SYT1: variants seen among roughly 807,000 people sequenced by gnomAD.
SYT1 encodes the protein synaptotagmin-1.
Under a neutral mutation model 44.8 loss-of-function variants are expected in SYT1, and 8 were observed. The ratio of observed to expected loss-of-function variants is 0.18; its 90% CI spans 0.10 to 0.32. The LOEUF is 0.32. SYT1 is among the 10% of genes least tolerant of loss of function. SYT1 has a pLI of 1.00. For missense variants in SYT1, 286 were observed against 509.3 expected, an observed-to-expected ratio of 0.56 and a Z score of 4.22; for synonymous variants, 154 against 188.8, an observed-to-expected ratio of 0.82 and a Z score of 1.51.
intron 9 of SYT1, among the ~76,000 whole-genome samples, chr12:79,376,978 T>C (rs191364666): frequency 1.8e-3 from 281 of 152,354 alleles, no homozygotes; most frequent in African/African-American, 6.1e-3. Flanking sequence ...CCATGTTGAA[T>C]TTTAGCTCAT....
At chr12:79,081,272 A>G (rs1448363105) in intron 3 of SYT1, among the ~76,000 whole-genome samples, 1 of 152,130 alleles carries the variant, frequency 6.6e-6, no homozygotes, top group African/African-American at 2.4e-5. Context: ...CCATATACCT[A>G]TGAACGTTTT....
At chr12:79,019,008 G>A (rs1460802907) in intron 2 of SYT1, among the ~76,000 whole-genome samples, 1 of 151,932 alleles carries the variant, frequency 6.6e-6, no homozygotes, top group Non-Finnish European at 1.5e-5. Context: ...ATAGCTATTC[G>A]TCAAATTCCT....
intron 4 of SYT1, among the ~76,000 whole-genome samples, chr12:79,261,037 T>C (rs1202014541): frequency 6.6e-6 from 1 of 152,084 alleles, no homozygotes; most frequent in African/African-American, 2.4e-5. Flanking sequence ...TCTCACATAG[T>C]CCCTAAATCC....
intron 4 of SYT1, among the ~76,000 whole-genome samples, chr12:79,246,454 G>A (rs545249996): frequency 3.3e-5 from 5 of 152,006 alleles, no homozygotes; most frequent in South Asian, 2.1e-4. Context: ...AAATATGTGC[G>A]ACTGGATAAT....
At chr12:78,943,505 C>T (rs986583894) in intron 1 of SYT1, among the ~76,000 whole-genome samples, 1 of 152,162 alleles carries the variant, frequency 6.6e-6, no homozygotes, top group African/African-American at 2.4e-5. Context: ...ATACCAAGGA[C>T]ATGGTGCTAA....
At chr12:79,055,875 A>T (rs1431040896) in intron 3 of SYT1, among the ~76,000 whole-genome samples, 1 of 152,046 alleles carries the variant, frequency 6.6e-6, no homozygotes, top group East Asian at 1.9e-4. Context: ...TATAAAACAT[A>T]GTCATGTACC....
chr12:78,928,816 A>G (rs61929212), intron 1 of SYT1, among the ~76,000 whole-genome samples: 13,037 of 152,196 alleles, frequency 0.086, 640 homozygotes, highest in East Asian at 0.18. Context: ...GTTTATTTCC[A>G]AAATTTTTTA....
At chr12:78,935,417 C>T (rs1400877534) in intron 1 of SYT1, among the ~76,000 whole-genome samples, 2 of 152,026 alleles carry the variant, frequency 1.3e-5, no homozygotes, top group African/African-American at 4.8e-5. Flanking sequence ...TTTCAGCAAA[C>T]GACATTTTAC....
chr12:78,940,746 C>G (rs975755607), intron 1 of SYT1, among the ~76,000 whole-genome samples: 2 of 152,020 alleles, frequency 1.3e-5, no homozygotes, highest in Admixed American at 6.6e-5. Context: ...CTGGATGACT[C>G]CTTGGAGTTT....
chr12:79,117,695 A>G (rs1385436559), intron 3 of SYT1, among the ~76,000 whole-genome samples: 1 of 86,738 alleles, frequency 1.2e-5, no homozygotes, highest in Non-Finnish European at 2.4e-5. Flanking sequence ...ATATATATAT[A>G]TATATATATA....
intron 3 of SYT1, among the ~76,000 whole-genome samples, chr12:79,138,785 C>T (rs1187843139): frequency 2.6e-5 from 4 of 152,168 alleles, no homozygotes; most frequent in African/African-American, 9.7e-5. Context: ...TACCTGTGTA[C>T]ACACCTAGTT....
chr12:79,013,865 C>T (rs1464670729), intron 2 of SYT1, among the ~76,000 whole-genome samples: 1 of 151,966 alleles, frequency 6.6e-6, no homozygotes. Flanking sequence ...CCGTGGCTCA[C>T]GCCTGTAATC....
chr12:79,233,214 T>TC (rs1365375737), intron 4 of SYT1, among the ~76,000 whole-genome samples: 1 of 152,220 alleles, frequency 6.6e-6, no homozygotes, highest in Non-Finnish European at 1.5e-5. Context: ...CAAGTGGAGA[T>TC]CAGGGACTCG....
intron 8 of SYT1, among the ~76,000 whole-genome samples, chr12:79,344,426 C>A (rs1402876157): frequency 6.6e-6 from 1 of 152,102 alleles, no homozygotes; most frequent in Admixed American, 6.6e-5. Flanking sequence ...CTTTCCACCA[C>A]TCTATACTGT....
chr12:78,874,064 G>T (rs1873947030), intron 1 of SYT1, among the ~76,000 whole-genome samples: 1 of 151,586 alleles, frequency 6.6e-6, no homozygotes, highest in African/African-American at 2.4e-5. Flanking sequence ...TATTCATATT[G>T]TTTCTTACAA....
intron 2 of SYT1, among the ~76,000 whole-genome samples, chr12:78,988,065 C>T (rs946694185): frequency 6.6e-6 from 1 of 151,984 alleles, no homozygotes; most frequent in African/African-American, 2.4e-5. Flanking sequence ...TCTACGTGGT[C>T]AAGAAATCAA....
At position 79,349,039 on chromosome 12, in the gene SYT1, A is replaced by AAGAAAGAAAGAAAGAAAG. The variant is rs1283893572; in HGVS notation, c.811-4462_811-4445dup. Among the ~76,000 whole-genome samples, 352 of 140,078 alleles carry AAGAAAGAAAGAAAGAAAG rather than the reference A, an allele frequency of 2.5e-3. 2 individuals carry two copies. The highest frequency in any genetic ancestry group is 9.5e-3 in the East Asian group (45 of 4,738). 91.9% of individuals were successfully genotyped at this position (140,078 alleles called of 152,430 possible). ...AGAAAGAAAGAAAGAAAGAAAAAGA[A>AAGAAAGAAAGAAAGAAAG]AGAAAGAAAGAAAGAAAGGAGGGAG... On this transcript the variant is annotated intron_variant, in intron 8 of 10. Transcript: ENST00000261205.
intron 8 of SYT1, among the ~76,000 whole-genome samples, chr12:79,349,247 A>C (rs975506671): frequency 6.6e-6 from 1 of 152,164 alleles, no homozygotes; most frequent in African/African-American, 2.4e-5. Flanking sequence ...ACATTTACAA[A>C]ATGAGAAATA....
chr12:79,068,380 C>G (rs73353540), intron 3 of SYT1, among the ~76,000 whole-genome samples: 4,651 of 152,016 alleles, frequency 0.031, 129 homozygotes, highest in Middle Eastern at 0.092. Context: ...TACTTGAAAA[C>G]GGTATCAATT....
Sources: allele counts gnomAD v4.1 joint callset (sites outside exome capture counted in the v4.1 genomes callset), GRCh38; gene constraint gnomAD v4.1.1; transcripts MANE v1.5; gene names NCBI Gene and HGNC (gene_info 2026-07-23, HGNC 2026-07-21).